The following PDZRN4 variants were observed in gnomAD, a reference collection of about 807,000 sequenced individuals.
PDZRN4 encodes the protein PDZ domain containing ring finger 4, also known as PDZ domain-containing RING finger protein 4.
PDZRN4 carries 70 observed loss-of-function variants against 99.0 expected under a neutral mutation model. That is an observed-to-expected ratio of 0.71 (90% CI 0.58 to 0.86). The LOEUF is 0.86. Ranked by LOEUF, PDZRN4 falls within the 40% of genes least tolerant of loss-of-function variation. The pLI, the probability that PDZRN4 is intolerant of heterozygous loss-of-function variation, is 0.00. For missense variants in PDZRN4, 1,474 were observed against 1,331.2 expected, an observed-to-expected ratio of 1.11 and a Z score of -1.67; for synonymous variants, 551 against 501.6, an observed-to-expected ratio of 1.10 and a Z score of -1.32.
intron 3 of PDZRN4, among the ~76,000 whole-genome samples, chr12:41,265,425 A>T (rs1043485313): frequency 7.2e-5 from 11 of 152,216 alleles, no homozygotes; most frequent in Non-Finnish European, 1.5e-4. Flanking sequence ...TATGTTGTGG[A>T]TATGGTTTTA....
intron 3 of PDZRN4, among the ~76,000 whole-genome samples, chr12:41,258,340 G>A (rs1490532301): frequency 6.6e-6 from 1 of 152,076 alleles, no homozygotes; most frequent in Non-Finnish European, 1.5e-5. Context: ...GTAAATAGAA[G>A]GAGGGAGGAA....
intron 3 of PDZRN4, among the ~76,000 whole-genome samples, chr12:41,377,311 G>A (rs1326934785): frequency 6.6e-6 from 1 of 152,050 alleles, no homozygotes; most frequent in Non-Finnish European, 1.5e-5. Flanking sequence ...GATAGCTTTG[G>A]TTAGTGTATG....
At chr12:41,521,804 T>C (rs1938496724) in intron 5 of PDZRN4, among the ~76,000 whole-genome samples, 1 of 152,142 alleles carries the variant, frequency 6.6e-6, no homozygotes, top group South Asian at 2.1e-4. Flanking sequence ...TGAGTATGTG[T>C]TCTTTCCTAG....
chr12:41,426,129 AT>A (rs1952534339), intron 3 of PDZRN4, among the ~76,000 whole-genome samples: 1 of 152,202 alleles, frequency 6.6e-6, no homozygotes, highest in Admixed American at 6.5e-5. Flanking sequence ...GGACCCTGAA[AT>A]CTAATAACTA....
At chr12:41,472,262 C>T (rs972286910) in intron 3 of PDZRN4, among the ~76,000 whole-genome samples, 2 of 152,146 alleles carry the variant, frequency 1.3e-5, no homozygotes, top group African/African-American at 2.4e-5. Context: ...CTTGGCCTCC[C>T]AAAGTGCCGG....
At chr12:41,523,821 TAAC>T (rs1938528865) in intron 5 of PDZRN4, among the ~76,000 whole-genome samples, 1 of 152,024 alleles carries the variant, frequency 6.6e-6, no homozygotes, top group African/African-American at 2.4e-5. Flanking sequence ...TCTTCACCAA[TAAC>T]AACAACTATC....
intron 3 of PDZRN4, among the ~76,000 whole-genome samples, chr12:41,274,202 T>C (rs1951335004): frequency 6.6e-6 from 1 of 152,132 alleles, no homozygotes. Context: ...TATTTTCCTT[T>C]TGAAAATGTC....
At position 41,312,434 on chromosome 12, in the gene PDZRN4, C is replaced by T. The variant is rs183268972; in HGVS notation, c.843+118246C>T. ...ACTTGACTTTGCCTATCTGTACATA[C>T]TCTGCTCCTGAGGCTGGGCGTGTGG... On this transcript the variant is annotated intron_variant, in intron 3 of 9. Transcript: ENST00000402685. 1.1e-3 allele frequency among the ~76,000 whole-genome samples: 172 copies of T among 152,268 alleles called. 1 individual carries two copies. Among genetic ancestry groups the T allele is most frequent in the African/African-American group, 3.9e-3 (164 of 41,552 alleles).
intron 3 of PDZRN4, among the ~76,000 whole-genome samples, chr12:41,261,472 G>C (rs1244559744): frequency 6.6e-6 from 1 of 151,476 alleles, no homozygotes; most frequent in Non-Finnish European, 1.5e-5. Context: ...AGGCAAAGTA[G>C]TTCTATTTCT....
chr12:41,573,596 C>T lies in PDZRN4; in HGVS notation c.2817C>T (p.Arg939=). 3 of 1,613,452 alleles carry T rather than the reference C, an allele frequency of 1.9e-6. No individual in the cohort carries two copies. The highest frequency in any genetic ancestry group is 2.5e-6 in the Non-Finnish European group (3 of 1,179,822). ...CCATGAGCGAGATGAAAATGGGGCG[C>T]TACTGGAGCAAAGAGGAGAGAAAGC... ...DDTMSEMKMG[R]YWSKEERKQH... is the part of the protein sequence containing the mutation. Residue 939 remains arginine, a synonymous_variant, in exon 10 of 10, where the codon CGC becomes CGT. Transcript: ENST00000402685.
chr12:41,223,935 G>C (rs1950975525), intron 3 of PDZRN4, among the ~76,000 whole-genome samples: 1 of 152,222 alleles, frequency 6.6e-6, no homozygotes, highest in Admixed American at 6.5e-5. Flanking sequence ...GTGGAGAAAA[G>C]TGTTTCAGCC....
chr12:41,209,313 G>A (rs1207740794), intron 3 of PDZRN4, among the ~76,000 whole-genome samples: 1 of 148,390 alleles, frequency 6.7e-6, no homozygotes. Flanking sequence ...CAATGTCAAT[G>A]GCAAGTTTTC....
At chr12:41,497,944 T>C (rs1323230080) in intron 3 of PDZRN4, among the ~76,000 whole-genome samples, 1 of 152,104 alleles carries the variant, frequency 6.6e-6, no homozygotes. Context: ...CATGAATCTA[T>C]TTTTAACTAA....
intron 5 of PDZRN4, among the ~76,000 whole-genome samples, chr12:41,513,157 AT>A (rs1947183692): frequency 6.6e-6 from 1 of 152,074 alleles, no homozygotes; most frequent in South Asian, 2.1e-4. Context: ...GTAAATACAT[AT>A]TTAGGGACTT....
rs73268706 is a variant in PDZRN4 at position 41,197,996 on chromosome 12, C to T, written c.843+3808C>T. On this transcript the variant is annotated intron_variant, in intron 3 of 9. Coordinates refer to ENST00000402685, the MANE Select transcript of PDZRN4 (RefSeq NM_001164595.2). ...GTGGCATGATCACAGCTCACTGCAG[C>T]CTCTACCTCTGGGACTCAAGGTATC... Among the ~76,000 whole-genome samples the T allele has an allele frequency of 6.6e-3, 933 of 142,058 alleles. 11 individuals are homozygous for T. The highest frequency in any genetic ancestry group is 0.023 in the African/African-American group (889 of 38,042). The allele number at this position is 142,058 out of a possible 152,430, so 93.2% of individuals were successfully genotyped here. A position where few individuals can be genotyped will look rare whatever the true frequency, so the allele number is the denominator to read the frequency against.
chr12:41,248,618 G>A (rs571864152), intron 3 of PDZRN4, among the ~76,000 whole-genome samples: 2 of 152,170 alleles, frequency 1.3e-5, no homozygotes, highest in Admixed American at 6.5e-5. Flanking sequence ...AAGAACTCAG[G>A]TCATTTATGT....
chr12:41,289,003 GA>G (rs1226913943), intron 3 of PDZRN4, among the ~76,000 whole-genome samples: 1 of 151,478 alleles, frequency 6.6e-6, no homozygotes, highest in Non-Finnish European at 1.5e-5. Context: ...ACAAAGATCT[GA>G]AAAAAAATTA....
chr12:41,522,465 C>T (rs552337180), intron 5 of PDZRN4, among the ~76,000 whole-genome samples: 2 of 152,128 alleles, frequency 1.3e-5, no homozygotes, highest in Admixed American at 6.6e-5. Context: ...GCAATACAAC[C>T]GAGTGTAGGA....
intron 3 of PDZRN4, among the ~76,000 whole-genome samples, chr12:41,298,744 C>T (rs1173563546): frequency 6.6e-6 from 1 of 152,110 alleles, no homozygotes; most frequent in Non-Finnish European, 1.5e-5. Context: ...TAGAACAGTA[C>T]AGTATCTCCT....
Sources: gnomAD v4.1 joint callset for allele counts (sites outside exome capture counted in the v4.1 genomes callset) on GRCh38, gnomAD v4.1.1 for gene constraint, MANE v1.5 for transcripts, NCBI Gene and HGNC (gene_info 2026-07-23, HGNC 2026-07-21) for gene names.